The following WDFY4 variants were observed in gnomAD, a reference collection of about 807,000 sequenced individuals.
WDFY4 encodes WD repeat- and FYVE domain-containing protein 4.
A neutral mutation model predicts 351.9 loss-of-function variants in WDFY4; 169 were observed. That is an observed-to-expected ratio of 0.48 (90% CI 0.42 to 0.55). The LOEUF (loss-of-function observed/expected upper bound fraction) is 0.55, where lower values mean the gene tolerates loss of function less well. Among genes scored for constraint, WDFY4 ranks in the 20% least tolerant of loss-of-function variants. The pLI, the probability that WDFY4 is intolerant of heterozygous loss-of-function variation, is 0.00. For missense variants in WDFY4, 3,803 were observed against 3,935.6 expected, an observed-to-expected ratio of 0.97 and a Z score of 0.90; for synonymous variants, 1,622 against 1,574.6, an observed-to-expected ratio of 1.03 and a Z score of -0.71.
chr10:48,694,915 C>T (rs2063292431), intron 1 of WDFY4, among the ~76,000 whole-genome samples: 1 of 152,166 alleles, frequency 6.6e-6, no homozygotes, highest in African/African-American at 2.4e-5. Context: ...CCACAGCCAC[C>T]ACCACCCTGC....
intron 47 of WDFY4, among the ~76,000 whole-genome samples, chr10:48,926,917 G>A (rs977625051): frequency 6.6e-6 from 1 of 152,308 alleles, no homozygotes; most frequent in African/African-American, 2.4e-5. Context: ...CAGGCCCAAC[G>A]CAGTGTGAAC....
chr10:48,965,823 T>TCTGTATCAGTTAGATATAGATTATAC (rs1564535041), intron 54 of WDFY4, among the ~76,000 whole-genome samples: 1 of 152,284 alleles, frequency 6.6e-6, no homozygotes, highest in African/African-American at 2.4e-5. Flanking sequence ...ATAGATTATA[T>TCTGTATCAGTTAGATATAGATTATAC]CTATACCAGT....
rs533460186 is a variant in WDFY4 at position 48,763,770 on chromosome 10, C to T, written c.2553+3330C>T. 7.2e-5 allele frequency among the ~76,000 whole-genome samples: 11 copies of T among 152,328 alleles called. No individual in the cohort carries two copies. The South Asian group carries it at 2.3e-3, about 32-fold the overall frequency. Reference sequence around the variant, plus strand: ...AGTCTAATTCTCCCTCGCTGTCTCTCAAATATGCAAATGAAATGTAGTGCA... The same window carrying T: ...AGTCTAATTCTCCCTCGCTGTCTCTTAAATATGCAAATGAAATGTAGTGCA... On this transcript the variant is annotated intron_variant, in intron 13 of 61. Transcript: ENST00000325239.
At chr10:48,938,823 T>C (rs571740925) in intron 47 of WDFY4, among the ~76,000 whole-genome samples, 1 of 152,216 alleles carries the variant, frequency 6.6e-6, no homozygotes, top group Admixed American at 6.5e-5. Flanking sequence ...GATTCAGAGA[T>C]AATCTTTCCA....
At chr10:48,962,159 C>T (rs1841886843) in intron 53 of WDFY4, among the ~76,000 whole-genome samples, 1 of 152,174 alleles carries the variant, frequency 6.6e-6, no homozygotes, top group Non-Finnish European at 1.5e-5. Context: ...CTGTGGCAAC[C>T]ACCAACAAAT....
intron 26 of WDFY4, 51 bp from the exon 27 acceptor site, chr10:48,805,953 G>T: frequency 1.3e-6 from 2 of 1,499,478 alleles, no homozygotes; most frequent in Non-Finnish European, 1.8e-6. Flanking sequence ...GTACTCAGCG[G>T]ACTCAGTTGA....
chr10:48,775,121 G>C (rs1480776987), intron 14 of WDFY4, among the ~76,000 whole-genome samples: 1 of 152,218 alleles, frequency 6.6e-6, no homozygotes, highest in East Asian at 1.9e-4. Context: ...CCTGCTGTCA[G>C]CCTCTACATG....
intron 47 of WDFY4, among the ~76,000 whole-genome samples, chr10:48,916,537 C>T (rs1317085149): frequency 6.6e-6 from 1 of 152,118 alleles, no homozygotes; most frequent in African/African-American, 2.4e-5. Flanking sequence ...TTTTCTCTAC[C>T]CTACTGCCAC....
chr10:48,926,536 C>T (rs906871720), intron 47 of WDFY4, among the ~76,000 whole-genome samples: 2 of 152,152 alleles, frequency 1.3e-5, no homozygotes, highest in African/African-American at 4.8e-5. Flanking sequence ...TGCAGATGTT[C>T]CACTGACCTT....
intron 47 of WDFY4, among the ~76,000 whole-genome samples, chr10:48,924,464 A>C (rs995602080): frequency 1.3e-5 from 2 of 152,232 alleles, no homozygotes; most frequent in East Asian, 3.8e-4. Context: ...ATAGGGAGAA[A>C]GATGTAAGTA....
chr10:48,891,488 TG>T (rs1040969180), intron 44 of WDFY4, among the ~76,000 whole-genome samples: 95 of 152,378 alleles, frequency 6.2e-4, no homozygotes, highest in African/African-American at 2.2e-3. Flanking sequence ...TGTTTTCACT[TG>T]ATCATTGTCT....
intron 1 of WDFY4, among the ~76,000 whole-genome samples, chr10:48,695,585 T>C (rs954845748): frequency 6.6e-6 from 1 of 152,232 alleles, no homozygotes; most frequent in African/African-American, 2.4e-5. Context: ...GTAGAGAACA[T>C]TGATGTCTCT....
intron 60 of WDFY4, chr10:48,979,599 ATGGATGGATGGATGGATGGATGGACGGG>A (rs1842725012): frequency 1.3e-5 from 2 of 151,682 alleles, no homozygotes; most frequent in South Asian, 2.1e-4. Context: ...GGATGGATGG[ATGGATGGATGGATGGATGGATGGACGGG>A]TGGATGGATG....
At chr10:48,892,390 G>A (rs1341226017) in intron 44 of WDFY4, among the ~76,000 whole-genome samples, 2 of 152,222 alleles carry the variant, frequency 1.3e-5, no homozygotes, top group Non-Finnish European at 2.9e-5. Flanking sequence ...GACTTCTCAT[G>A]TCTGAAAATG....
In WDFY4 at chr10:48,749,437, G is replaced by A. The variant is rs567715850; in HGVS notation, c.2459+5889G>A. On this transcript the variant is annotated intron_variant, in intron 12 of 61. Coordinates refer to ENST00000325239, the MANE Select transcript of WDFY4 (RefSeq NM_001394531.1). ...ACACACTGCACTTACACACCACACA[G>A]CACCTAGCACATACACATGAATACA... is the stretch of plus-strand genomic sequence containing the variant. Among the ~76,000 whole-genome samples the A allele has an allele frequency of 5.9e-4, 89 of 151,730 alleles. 1 individual carries two copies. In the South Asian group the frequency reaches 6.7e-3, roughly 11 times the overall value.
intron 18 of WDFY4, among the ~76,000 whole-genome samples, chr10:48,779,554 C>T (rs1033551797): frequency 3.3e-5 from 5 of 152,182 alleles, no homozygotes; most frequent in African/African-American, 1.2e-4. Flanking sequence ...ACTCGGCCTA[C>T]AATGGAGTCT....
chr10:48,981,505 C>T (rs989229506), intron 61 of WDFY4, 27 bp downstream of exon 61: 3 of 1,548,436 alleles, frequency 1.9e-6, no homozygotes, highest in Admixed American at 2.0e-5. Context: ...TTCTCTGGGT[C>T]TCCAGCAGAG....
intron 1 of WDFY4, among the ~76,000 whole-genome samples, chr10:48,688,096 T>C (rs1443556009): frequency 1.3e-5 from 2 of 152,212 alleles, no homozygotes; most frequent in Non-Finnish European, 2.9e-5. Context: ...TAGGCCATTC[T>C]TTAGTCACTG....
chr10:48,982,842 T>C lies in WDFY4; in HGVS notation c.*267T>C, dbSNP rs1027692010. 4 of 539,568 alleles carry C rather than the reference T, an allele frequency of 7.4e-6. No homozygotes were observed. The African/African-American group carries it at 7.6e-5, about 10-fold the overall frequency. The allele number at this position is 539,568 out of a possible 1,614,324, so 33.4% of individuals were successfully genotyped here. ...TGGTGATGCCCAGCTGCACACGAAA[T>C]TACACATGACTCACCTTATTAAGGG... On this transcript the variant is annotated 3_prime_UTR_variant, in exon 62 of 62. Coordinates refer to ENST00000325239, the MANE Select transcript of WDFY4 (RefSeq NM_001394531.1).
Sources: allele counts gnomAD v4.1 joint callset (sites outside exome capture counted in the v4.1 genomes callset), GRCh38; gene constraint gnomAD v4.1.1; transcripts MANE v1.5; gene names NCBI Gene and HGNC (gene_info 2026-07-23, HGNC 2026-07-21).